Variants in HOXD12 observed in about 807,000 individuals in gnomAD.
HOXD12 encodes homeobox D12.
HOXD12 carries 21 observed loss-of-function variants against 20.2 expected under a neutral mutation model. The observed-to-expected ratio is 1.04, with a 90% CI of 0.74 to 1.50. HOXD12 has a LOEUF of 1.50. Among genes scored for constraint, HOXD12 ranks in the 40% most tolerant of loss-of-function variants. The pLI is 0.00. For synonymous variants in HOXD12, 196 were observed against 168.8 expected, an observed-to-expected ratio of 1.16 and a Z score of -1.25; for missense variants, 472 against 365.5, an observed-to-expected ratio of 1.29 and a Z score of -2.38.
In HOXD12 at chr2:176,101,049, C is replaced by T; in HGVS notation, c.*289C>T. The T allele has an allele frequency of 1.9e-6, 1 of 513,510 alleles. No individual in the cohort carries two copies. The highest frequency in any genetic ancestry group is 3.5e-6 in the Non-Finnish European group (1 of 289,844). The allele number at this position is 513,510 out of a possible 1,614,324, so 31.8% of individuals were successfully genotyped here. On this transcript the variant is annotated 3_prime_UTR_variant, in exon 2 of 2. Transcript: ENST00000406506. Reference sequence around the variant, plus strand: ...TCCTTGCTCCTGGCTGGGGCATTTGCACCCACCGCTCATTCTTGCTCCCCG... The same window carrying T: ...TCCTTGCTCCTGGCTGGGGCATTTGTACCCACCGCTCATTCTTGCTCCCCG...
In HOXD12 at chr2:176,100,122, T is replaced by TC; in HGVS notation, c.321_322insC (p.Gly108ArgfsTer17). On this transcript the variant is annotated frameshift_variant, in exon 1 of 2. Transcript: ENST00000406506. LOFTEE classifies it high-confidence loss of function. Reference sequence around the variant, plus strand: ...AGTTCTATGCGCCCGAAGCGGCCGCTGGGCCAGAGGAGCGCGGTCGTACCC... The same window carrying TC: ...AGTTCTATGCGCCCGAAGCGGCCGCTCGGGCCAGAGGAGCGCGGTCGTACCC... 1.9e-6 allele frequency: 3 copies of TC among 1,610,304 alleles called. No individual in the cohort carries two copies. Among genetic ancestry groups the TC allele is most frequent in the Non-Finnish European group, 2.5e-6 (3 of 1,179,438 alleles).
Position 176,101,061 on chromosome 2 carries a change from A to C in HOXD12, c.*301A>C. ...GCTGGGGCATTTGCACCCACCGCTCATTCTTGCTCCCCGGTACCTGGATTT... is the reference window on the plus strand; with the variant it reads ...GCTGGGGCATTTGCACCCACCGCTCCTTCTTGCTCCCCGGTACCTGGATTT... On this transcript the variant is annotated 3_prime_UTR_variant, in exon 2 of 2. Coordinates refer to ENST00000406506, the MANE Select transcript of HOXD12 (RefSeq NM_021193.4). 2.1e-6 allele frequency: 1 copy of C among 485,418 alleles called. No individual in the cohort carries two copies. Among genetic ancestry groups the C allele is most frequent in the East Asian group, 3.7e-5 (1 of 26,992 alleles). 30.1% of individuals were successfully genotyped at this position (485,418 alleles called of 1,614,324 possible).
chr2:176,101,927 C>T lies in HOXD12; in HGVS notation c.*1167C>T, dbSNP rs539838809. Among the ~76,000 whole-genome samples, 5 of 152,320 alleles carry T rather than the reference C, an allele frequency of 3.3e-5. No individual in the cohort carries two copies. Among genetic ancestry groups the T allele is most frequent in the East Asian group, 1.9e-4 (1 of 5,182 alleles). ...AAAGAGGACCAGAAGTTCCTCTCAC[C>T]GTCTCTACCATCTGCCAACTCTACC... On this transcript the variant is annotated 3_prime_UTR_variant, in exon 2 of 2. Coordinates refer to ENST00000406506, the MANE Select transcript of HOXD12 (RefSeq NM_021193.4).
rs2105384345 is a variant in HOXD12, at chr2:176,102,295, T to A, written c.*1535T>A. 6.6e-6 allele frequency among the ~76,000 whole-genome samples: 1 copy of A among 152,300 alleles called. No individual in the cohort carries two copies. Among genetic ancestry groups the A allele is most frequent in the South Asian group, 2.1e-4 (1 of 4,826 alleles). ...GCAGGACCTGGCCCTAAATCTGGAGTGGGCCCCTCACAGAGAGCCCTGAGC... is the reference window on the plus strand; with the variant it reads ...GCAGGACCTGGCCCTAAATCTGGAGAGGGCCCCTCACAGAGAGCCCTGAGC... On this transcript the variant is annotated 3_prime_UTR_variant, in exon 2 of 2. Coordinates refer to ENST00000406506, the MANE Select transcript of HOXD12 (RefSeq NM_021193.4).
Position 176,100,077 on chromosome 2 carries a change from C to T in HOXD12, c.276C>T (p.Asp92=). 2 of 1,598,504 alleles carry T rather than the reference C, an allele frequency of 1.3e-6. No individual in the cohort carries two copies. The highest frequency in any genetic ancestry group is 1.7e-6 in the Non-Finnish European group (2 of 1,174,048). The stretch of plus-strand genomic sequence containing the variant: ...GCCTGCAGCCCCCAACAGCCAAAGA[C>T]GGACCCGAAGAGCAGGCTAAGTTCT... The part of the protein sequence containing the change: ...PLGLQPPTAK[D]GPEEQAKFYA... The change falls in exon 1 of 2, where the codon GAC becomes GAT. Residue 92 remains aspartate, a synonymous_variant. Coordinates refer to ENST00000406506, the MANE Select transcript of HOXD12 (RefSeq NM_021193.4).
In HOXD12 at chr2:176,101,073, C is replaced by T. The variant is rs1176449613; in HGVS notation, c.*313C>T. ...GCACCCACCGCTCATTCTTGCTCCC[C>T]GGTACCTGGATTTTTCTGTTTCCAC... is the stretch of plus-strand genomic sequence containing the variant. On this transcript the variant is annotated 3_prime_UTR_variant, in exon 2 of 2. Transcript: ENST00000406506. 2.1e-5 allele frequency: 10 copies of T among 467,790 alleles called. No homozygotes were observed. The highest frequency in any genetic ancestry group is 3.8e-5 in the Non-Finnish European group (10 of 262,118). The allele number at this position is 467,790 out of a possible 1,614,324, so 29.0% of individuals were successfully genotyped here. A position where few individuals can be genotyped will look rare whatever the true frequency, so the allele number is the denominator to read the frequency against.
Position 176,100,664 on chromosome 2 carries a change from G to T in HOXD12, c.717G>T (p.Leu239=). Residue 239 remains leucine, a synonymous_variant, in exon 2 of 2, where the codon CTG becomes CTT. Coordinates refer to ENST00000406506, the MANE Select transcript of HOXD12 (RefSeq NM_021193.4). The part of the protein sequence containing the change: ...RQKRKELSNR[L]NLSDQQVKIW... ...AACGCAAGGAATTGTCCAATAGGCT[G>T]AACCTCAGCGACCAGCAAGTCAAAA... 1 of 1,613,984 alleles carries T rather than the reference G, an allele frequency of 6.2e-7. No individual in the cohort carries two copies. Among genetic ancestry groups the T allele is most frequent in the East Asian group, 2.2e-5 (1 of 44,884 alleles).
In HOXD12 at chr2:176,100,614, G is replaced by A. The variant is rs748044473; in HGVS notation, c.667G>A (p.Val223Ile). 1 of 1,613,366 alleles carries A rather than the reference G, an allele frequency of 6.2e-7. No individual in the cohort carries two copies. Among genetic ancestry groups the A allele is most frequent in the Admixed American group, 1.7e-5 (1 of 59,920 alleles). ...TGCGGAGTTGGAGAACGAATTCCTC[G>A]TCAACGAATTCATCAACAGGCAGAA... ...QIAELENEFLVNEFINRQKRK... is the reference protein window; with the variant it reads ...QIAELENEFLINEFINRQKRK... The change falls in exon 2 of 2, where the codon GTC (valine) becomes ATC (isoleucine). Residue 223 changes from valine to isoleucine, a missense_variant. Physicochemically the swap from Val to Ile is conservative, Grantham distance 29. Transcript: ENST00000406506.
chr2:176,102,008 C>T lies in HOXD12; in HGVS notation c.*1248C>T, dbSNP rs1321055095. 6.6e-6 allele frequency among the ~76,000 whole-genome samples: 1 copy of T among 152,238 alleles called. No individual in the cohort carries two copies. The highest frequency in any genetic ancestry group is 1.9e-4 in the East Asian group (1 of 5,196). ...CATGTCTGGCCTGTCCCAGTGGAGA[C>T]TTTAAGGCCCTGGGCCCTGCCAGGC... On this transcript the variant is annotated 3_prime_UTR_variant, in exon 2 of 2. Coordinates refer to ENST00000406506, the MANE Select transcript of HOXD12 (RefSeq NM_021193.4).
chr2:176,099,828 G>GCTCTACA lies in HOXD12; in HGVS notation c.27_28insCTCTACA (p.Gly10LeufsTer92), dbSNP rs1455565004. The GCTCTACA allele has an allele frequency of 6.5e-7, 1 of 1,532,974 alleles. No individual in the cohort carries two copies. Among genetic ancestry groups the GCTCTACA allele is most frequent in the Non-Finnish European group, 8.7e-7 (1 of 1,146,752 alleles). 95.0% of individuals were successfully genotyped at this position (1,532,974 alleles called of 1,614,324 possible). A position where few individuals can be genotyped will look rare whatever the true frequency, so the allele number is the denominator to read the frequency against. ...TGTGTGAGCGCAGTCTCTACAGAGC[G>GCTCTACA]GGCTATGTGGGCTCGCTTCTGAATC... is the stretch of plus-strand genomic sequence containing the variant. On this transcript the variant is annotated frameshift_variant, in exon 1 of 2. Coordinates refer to ENST00000406506, the MANE Select transcript of HOXD12 (RefSeq NM_021193.4). LOFTEE classifies it high-confidence loss of function.
Position 176,099,952 on chromosome 2 carries a change from T to G in HOXD12, c.151T>G (p.Trp51Gly). Residue 51 changes from tryptophan to glycine, a missense_variant, in exon 1 of 2, where the codon TGG (tryptophan) becomes GGG (glycine). Coordinates refer to ENST00000406506, the MANE Select transcript of HOXD12 (RefSeq NM_021193.4). Reference protein sequence around the residue: ...PISYPRGALPWAATPASCAPA... With the variant: ...PISYPRGALPGAATPASCAPA... ...CTCCTACCCGCGCGGCGCGCTGCCC[T>G]GGGCCGCCACGCCCGCCTCCTGCGC... 1.2e-6 allele frequency: 2 copies of G among 1,600,512 alleles called. No homozygotes were observed. The highest frequency in any genetic ancestry group is 1.4e-5 in the African/African-American group (1 of 73,946).
rs1689492319 is a variant in HOXD12, at chr2:176,101,294, C to T, written c.*534C>T. On this transcript the variant is annotated 3_prime_UTR_variant, in exon 2 of 2. Coordinates refer to ENST00000406506, the MANE Select transcript of HOXD12 (RefSeq NM_021193.4). ...AGGAAAGGGCACCATCCACCCTCCA[C>T]CCTCCTGTCTGCCCTGGCTGATTTG... 2 of 155,418 alleles carry T rather than the reference C, an allele frequency of 1.3e-5. 1 individual carries two copies. The allele number at this position is 155,418 out of a possible 1,614,324, so 9.6% of individuals were successfully genotyped here.
chr2:176,101,573 C>T lies in HOXD12; in HGVS notation c.*813C>T, dbSNP rs529050473. Reference sequence around the variant, plus strand: ...CCTACTCCCACCTTCTCAAACATGCCTAGGCCAGGCCTATGAACCCTGTAA... The same window carrying T: ...CCTACTCCCACCTTCTCAAACATGCTTAGGCCAGGCCTATGAACCCTGTAA... On this transcript the variant is annotated 3_prime_UTR_variant, in exon 2 of 2. Coordinates refer to ENST00000406506, the MANE Select transcript of HOXD12 (RefSeq NM_021193.4). Among the ~76,000 whole-genome samples the T allele has an allele frequency of 6.6e-6, 1 of 152,300 alleles. No homozygotes were observed. Among genetic ancestry groups the T allele is most frequent in the East Asian group, 1.9e-4 (1 of 5,176 alleles).
In HOXD12 at chr2:176,100,264, G is replaced by T. The variant is rs766284496; in HGVS notation, c.463G>T (p.Gly155Trp). 2.7e-5 allele frequency: 44 copies of T among 1,612,524 alleles called. No individual in the cohort carries two copies. The Admixed American group carries it at 4.2e-4, about 15-fold the overall frequency. The change falls in exon 1 of 2, where the codon GGG becomes TGG. Residue 155 changes from glycine (G) to tryptophan (W), a missense_variant. By Grantham distance (184) the Gly-to-Trp change is radical. Transcript: ENST00000406506. ...GCCGGGCTCCACGACCCTGCTCCAG[G>T]GGGCTCCCTGCGCCCCTGGCTTCAA... The part of the protein sequence containing the change: ...ATPGSTTLLQ[G>W]APCAPGFKDD...
rs766954305 is a variant in HOXD12 at position 176,100,682 on chromosome 2, A to G, written c.735A>G (p.Gln245=). 6.2e-7 allele frequency: 1 copy of G among 1,614,012 alleles called. No homozygotes were observed. Among genetic ancestry groups the G allele is most frequent in the Non-Finnish European group, 8.5e-7 (1 of 1,179,860 alleles). ...LSNRLNLSDQ[Q]VKIWFQNRRM... ...ATAGGCTGAACCTCAGCGACCAGCA[A>G]GTCAAAATCTGGTTCCAGAACAGGC... Residue 245 remains glutamine (Q), a synonymous_variant, in exon 2 of 2, where the codon CAA becomes CAG. Coordinates refer to ENST00000406506, the MANE Select transcript of HOXD12 (RefSeq NM_021193.4).
Position 176,101,155 on chromosome 2 carries a change from T to C in HOXD12, c.*395T>C, listed in dbSNP as rs1427621543. ...GCCCCTTCAGCGTATAGCAGTCGCCTAGTTAGGGCTCAGAGTGGAAGGCCT... is the reference window on the plus strand; with the variant it reads ...GCCCCTTCAGCGTATAGCAGTCGCCCAGTTAGGGCTCAGAGTGGAAGGCCT... On this transcript the variant is annotated 3_prime_UTR_variant, in exon 2 of 2. Transcript: ENST00000406506. 3 of 251,058 alleles carry C rather than the reference T, an allele frequency of 1.2e-5. No homozygotes were observed. In the East Asian group the frequency reaches 3.0e-4, roughly 25 times the overall value. The allele number at this position is 251,058 out of a possible 1,614,324, so 15.6% of individuals were successfully genotyped here. A position where few individuals can be genotyped will look rare whatever the true frequency, so the allele number is the denominator to read the frequency against.
In HOXD12 at chr2:176,101,927, C is replaced by G. The variant is rs539838809; in HGVS notation, c.*1167C>G. ...AAAGAGGACCAGAAGTTCCTCTCAC[C>G]GTCTCTACCATCTGCCAACTCTACC... On this transcript the variant is annotated 3_prime_UTR_variant, in exon 2 of 2. Coordinates refer to ENST00000406506, the MANE Select transcript of HOXD12 (RefSeq NM_021193.4). 3.3e-5 allele frequency among the ~76,000 whole-genome samples: 5 copies of G among 152,202 alleles called. No individual in the cohort carries two copies. Among genetic ancestry groups the G allele is most frequent in the Non-Finnish European group, 7.3e-5 (5 of 68,038 alleles).
Position 176,100,646 on chromosome 2 carries a change from G to A in HOXD12, c.699G>A (p.Lys233=), listed in dbSNP as rs1689481873. ...AATTCATCAACAGGCAGAAACGCAA[G>A]GAATTGTCCAATAGGCTGAACCTCA... ...VNEFINRQKR[K]ELSNRLNLSD... is the part of the protein sequence containing the mutation. The change falls in exon 2 of 2, where the codon AAG becomes AAA. Residue 233 remains lysine (K), a synonymous_variant. Coordinates refer to ENST00000406506, the MANE Select transcript of HOXD12 (RefSeq NM_021193.4). The A allele has an allele frequency of 1.2e-6, 2 of 1,613,876 alleles. No individual in the cohort carries two copies. Among genetic ancestry groups the A allele is most frequent in the African/African-American group, 2.7e-5 (2 of 75,076 alleles).
chr2:176,100,694 G>C lies in HOXD12; in HGVS notation c.747G>C (p.Trp249Cys), dbSNP rs1398063955. The C allele has an allele frequency of 6.2e-7, 1 of 1,613,928 alleles. No individual in the cohort carries two copies. The part of the protein sequence containing the change: ...LNLSDQQVKI[W>C]FQNRRMKKKR... Reference sequence around the variant, plus strand: ...TCAGCGACCAGCAAGTCAAAATCTGGTTCCAGAACAGGCGTATGAAGAAGA... The same window carrying C: ...TCAGCGACCAGCAAGTCAAAATCTGCTTCCAGAACAGGCGTATGAAGAAGA... The change falls in exon 2 of 2, where the codon TGG becomes TGC. Residue 249 changes from tryptophan (W) to cysteine (C), a missense_variant. By Grantham distance (215) the Trp-to-Cys change is radical. Coordinates refer to ENST00000406506, the MANE Select transcript of HOXD12 (RefSeq NM_021193.4).
Sources: allele counts gnomAD v4.1 joint callset (sites outside exome capture counted in the v4.1 genomes callset), GRCh38; gene constraint gnomAD v4.1.1; transcripts MANE v1.5; gene names NCBI Gene and HGNC (gene_info 2026-07-23, HGNC 2026-07-21).